NFIA: variants seen among roughly 807,000 people sequenced by gnomAD.
NFIA encodes nuclear factor 1 A-type.
NFIA carries 8 observed loss-of-function variants against 62.8 expected under a neutral mutation model. That is an observed-to-expected ratio of 0.13 (90% CI 0.07 to 0.23). The LOEUF (loss-of-function observed/expected upper bound fraction) is 0.23. Among genes scored for constraint, NFIA ranks in the 10% least tolerant of loss-of-function variants. NFIA has a pLI of 1.00. For missense variants in NFIA, 410 were observed against 642.1 expected, an observed-to-expected ratio of 0.64 and a Z score of 3.91; for synonymous variants, 235 against 238.1, an observed-to-expected ratio of 0.99 and a Z score of 0.12.
intron 3 of NFIA, among the ~76,000 whole-genome samples, chr1:61,291,286 A>C (rs912659569): frequency 1.3e-5 from 2 of 152,190 alleles, no homozygotes; most frequent in South Asian, 2.1e-4. Context: ...AGTGAGGCCG[A>C]TGTGGAAAGC....
At chr1:61,344,059 T>G (rs1489976031) in intron 4 of NFIA, among the ~76,000 whole-genome samples, 1 of 152,216 alleles carries the variant, frequency 6.6e-6, no homozygotes, top group East Asian at 1.9e-4. Context: ...ATACTTATTT[T>G]TTTTCTTTCT....
At chr1:61,305,439 A>G (rs1384219454) in intron 3 of NFIA, among the ~76,000 whole-genome samples, 2 of 152,234 alleles carry the variant, frequency 1.3e-5, no homozygotes, top group African/African-American at 4.8e-5. Context: ...TATGAACAGC[A>G]GAAAACAAGA....
At chr1:61,343,372 A>G (rs1463337921) in intron 4 of NFIA, among the ~76,000 whole-genome samples, 1 of 152,218 alleles carries the variant, frequency 6.6e-6, no homozygotes, top group Non-Finnish European at 1.5e-5. Flanking sequence ...TTTGAAAAAT[A>G]AAAATTCCTC....
At chr1:61,112,925 T>C (rs1487995546) in intron 2 of NFIA, among the ~76,000 whole-genome samples, 8 of 152,174 alleles carry the variant, frequency 5.3e-5, no homozygotes, top group African/African-American at 1.9e-4. Context: ...TTAATTTTTA[T>C]AGTGACTGTG....
At chr1:61,354,433 A>T (rs1662720269) in intron 5 of NFIA, among the ~76,000 whole-genome samples, 1 of 152,178 alleles carries the variant, frequency 6.6e-6, no homozygotes. Context: ...GCCAATATTA[A>T]TGGGTCATTT....
At chr1:61,386,652 G>A (rs144559107) in intron 7 of NFIA, among the ~76,000 whole-genome samples, 66 of 152,274 alleles carry the variant, frequency 4.3e-4, no homozygotes, top group African/African-American at 1.6e-3. Context: ...CTTACTTTTG[G>A]CTGCAAACAT....
intron 6 of NFIA, 124 bp downstream of exon 6, chr1:61,359,398 C>G: frequency 2.2e-6 from 3 of 1,369,074 alleles, no homozygotes; most frequent in Non-Finnish European, 3.0e-6. Context: ...TCAGGATGAG[C>G]ACTTGTTTGT....
chr1:61,333,277 T>C (rs765711677), intron 4 of NFIA, among the ~76,000 whole-genome samples: 1 of 152,208 alleles, frequency 6.6e-6, no homozygotes, highest in Non-Finnish European at 1.5e-5. Flanking sequence ...TGGTTAAAAT[T>C]GGTTTTGAGC....
At chr1:61,248,033 T>G (rs1655763773) in intron 2 of NFIA, among the ~76,000 whole-genome samples, 2 of 152,152 alleles carry the variant, frequency 1.3e-5, no homozygotes, top group African/African-American at 4.8e-5. Flanking sequence ...ATGTGTGCGG[T>G]GATAAGCAAA....
intron 2 of NFIA, among the ~76,000 whole-genome samples, chr1:61,215,930 G>C (rs1463094583): frequency 6.6e-6 from 1 of 152,186 alleles, no homozygotes; most frequent in Admixed American, 6.5e-5. Context: ...CACGTACCTT[G>C]CTTTGGTTAA....
At chr1:61,124,407 G>T (rs774996490) in intron 2 of NFIA, among the ~76,000 whole-genome samples, 1 of 152,154 alleles carries the variant, frequency 6.6e-6, no homozygotes, top group Non-Finnish European at 1.5e-5. Flanking sequence ...TGAGATATGG[G>T]TGCACAAAAA....
intron 2 of NFIA, among the ~76,000 whole-genome samples, chr1:61,257,735 TCTCAC>T (rs1656504029): frequency 1.3e-5 from 2 of 152,072 alleles, no homozygotes; most frequent in African/African-American, 2.4e-5. Context: ...CAAACCAGGG[TCTCAC>T]TCTGTTGCCA....
intron 2 of NFIA, among the ~76,000 whole-genome samples, chr1:61,247,450 A>G (rs1008709844): frequency 1.3e-5 from 2 of 152,174 alleles, no homozygotes; most frequent in African/African-American, 4.8e-5. Context: ...ACTAGGTTCT[A>G]TCTGTGGCAG....
At chr1:61,253,984 G>T (rs1656217820) in intron 2 of NFIA, among the ~76,000 whole-genome samples, 1 of 151,842 alleles carries the variant, frequency 6.6e-6, no homozygotes, top group Non-Finnish European at 1.5e-5. Context: ...TATTTTGTTT[G>T]ATTATTTATT....
intron 10 of NFIA, among the ~76,000 whole-genome samples, chr1:61,436,327 G>C (rs1667325285): frequency 6.6e-6 from 1 of 152,152 alleles, no homozygotes. Flanking sequence ...TGAGTTGACT[G>C]GCCCTGCTGC....
At chr1:61,344,385 C>G (rs148853780) in intron 4 of NFIA, among the ~76,000 whole-genome samples, 97 of 152,316 alleles carry the variant, frequency 6.4e-4, no homozygotes, top group African/African-American at 2.3e-3. Flanking sequence ...TTGGACTTTT[C>G]CCCTCCCCCG....
At chr1:61,394,841 G>A (rs1038586942) in intron 7 of NFIA, among the ~76,000 whole-genome samples, 1 of 152,176 alleles carries the variant, frequency 6.6e-6, no homozygotes, top group Non-Finnish European at 1.5e-5. Context: ...GGGAGCGGTG[G>A]CTCACACCTG....
chr1:61,275,141 G>T (rs1050284802), intron 2 of NFIA, among the ~76,000 whole-genome samples: 1 of 152,164 alleles, frequency 6.6e-6, no homozygotes, highest in African/African-American at 2.4e-5. Flanking sequence ...TCCAGTGTTT[G>T]TATCTGAGCT....
chr1:61,298,361 AT>A (rs1202717105), intron 3 of NFIA, among the ~76,000 whole-genome samples: 3 of 152,146 alleles, frequency 2.0e-5, no homozygotes, highest in Admixed American at 6.5e-5. Flanking sequence ...TTTTAAAAAA[AT>A]AAATAAAATA....
Sources: gnomAD v4.1 joint callset for allele counts (sites outside exome capture counted in the v4.1 genomes callset) on GRCh38, gnomAD v4.1.1 for gene constraint, MANE v1.5 for transcripts, NCBI Gene and HGNC (gene_info 2026-07-23, HGNC 2026-07-21) for gene names.